The following GPC5 variants were observed in gnomAD, a reference collection of about 807,000 sequenced individuals.
GPC5 encodes the protein glypican 5.
GPC5 carries 47 observed loss-of-function variants against 53.9 expected under a neutral mutation model. The ratio of observed to expected loss-of-function variants is 0.87; its 90% CI spans 0.69 to 1.11. The LOEUF (loss-of-function observed/expected upper bound fraction) is 1.11, where lower values mean the gene tolerates loss of function less well. GPC5 is among the 50% of genes most tolerant of loss of function. GPC5 has a pLI of 0.00. For missense variants in GPC5, 748 were observed against 713.1 expected (o/e 1.05, Z -0.56); for synonymous variants, 286 against 263.3 (o/e 1.09, Z -0.84).
At chr13:91,815,492 C>T (rs1467378007) in intron 5 of GPC5, among the ~76,000 whole-genome samples, 1 of 152,104 alleles carries the variant, frequency 6.6e-6, no homozygotes, top group Non-Finnish European at 1.5e-5. Context: ...GCATTGTATC[C>T]ACACACAAAA....
At chr13:92,376,034 AAAT>A (rs1254086628) in intron 7 of GPC5, among the ~76,000 whole-genome samples, 7 of 152,214 alleles carry the variant, frequency 4.6e-5, no homozygotes, top group African/African-American at 1.7e-4. Context: ...AGTTGATTTA[AAAT>A]AGTAACCAAT....
chr13:92,813,670 A>G lies in GPC5; in HGVS notation c.1562-52612A>G, dbSNP rs997406676. ...AAACTTTTTTCAATGTTATATAAAC[A>G]GTAGTATTCTTTACCAAAAATGTAC... On this transcript the variant is annotated intron_variant, in intron 7 of 7. Transcript: ENST00000377067. 2.0e-5 allele frequency among the ~76,000 whole-genome samples: 3 copies of G among 152,056 alleles called. No individual in the cohort carries two copies. The South Asian group carries it at 6.2e-4, about 31-fold the overall frequency.
intron 2 of GPC5, among the ~76,000 whole-genome samples, chr13:91,663,400 C>T (rs981470212): frequency 3.3e-5 from 5 of 152,014 alleles, no homozygotes; most frequent in Non-Finnish European, 5.9e-5. Context: ...AATATATGTG[C>T]TTATTATTCT....
intron 7 of GPC5, among the ~76,000 whole-genome samples, chr13:92,624,662 G>T (rs926831043): frequency 3.9e-5 from 6 of 152,136 alleles, no homozygotes; most frequent in Admixed American, 3.3e-4. Context: ...GTATGAAGAT[G>T]GTCAGATGGC....
intron 2 of GPC5, among the ~76,000 whole-genome samples, chr13:91,665,611 T>A (rs901492053): frequency 2.0e-5 from 3 of 151,860 alleles, no homozygotes; most frequent in Non-Finnish European, 4.4e-5. Context: ...CATGCCATTC[T>A]CCTGCCTCAG....
At chr13:91,820,605 T>C (rs1306251717) in intron 5 of GPC5, among the ~76,000 whole-genome samples, 2 of 152,216 alleles carry the variant, frequency 1.3e-5, no homozygotes, top group African/African-American at 4.8e-5. Context: ...GCTACTACCA[T>C]AGTTTGCTAA....
In GPC5 at chr13:92,041,728, A is replaced by C. The variant is rs911112892; in HGVS notation, c.1402-103102A>C. ...GCTATGGTGCTAGCAAGAGGCCAGAAAGAAGGTGCCAGCTCCCACAGTGTT... is the reference window on the plus strand; with the variant it reads ...GCTATGGTGCTAGCAAGAGGCCAGACAGAAGGTGCCAGCTCCCACAGTGTT... On this transcript the variant is annotated intron_variant, in intron 6 of 7. Transcript: ENST00000377067. Among the ~76,000 whole-genome samples the C allele has an allele frequency of 3.3e-5, 5 of 152,202 alleles. 1 individual carries two copies. The highest frequency in any genetic ancestry group is 1.2e-4 in the African/African-American group (5 of 41,438).
intron 7 of GPC5, among the ~76,000 whole-genome samples, chr13:92,614,798 C>T (rs1271581232): frequency 1.3e-5 from 2 of 152,114 alleles, no homozygotes; most frequent in African/African-American, 4.8e-5. Flanking sequence ...ATTTCAAATT[C>T]TTTTTCAAAT....
chr13:92,258,735 A>G (rs1212928786), intron 7 of GPC5, among the ~76,000 whole-genome samples: 1 of 152,154 alleles, frequency 6.6e-6, no homozygotes, highest in Non-Finnish European at 1.5e-5. Flanking sequence ...ACATAAATCA[A>G]TTTTGTGACT....
At chr13:91,983,377 G>T (rs1312312494) in intron 6 of GPC5, among the ~76,000 whole-genome samples, 6 of 151,984 alleles carry the variant, frequency 3.9e-5, no homozygotes, top group Admixed American at 3.9e-4. Flanking sequence ...AGGAGGAAAA[G>T]AGAGGCTGAC....
intron 1 of GPC5, among the ~76,000 whole-genome samples, chr13:91,419,898 T>G (rs1878491375): frequency 1.3e-5 from 2 of 152,244 alleles, no homozygotes; most frequent in South Asian, 4.1e-4. Flanking sequence ...GATTTATGAG[T>G]CATGGACCAC....
At chr13:92,812,047 C>T (rs1877318527) in intron 7 of GPC5, among the ~76,000 whole-genome samples, 4 of 151,898 alleles carry the variant, frequency 2.6e-5, no homozygotes, top group Admixed American at 6.6e-5. Flanking sequence ...AATTTTATTC[C>T]TCTTTTTCAA....
chr13:92,680,764 A>G (rs1260093090), intron 7 of GPC5, among the ~76,000 whole-genome samples: 1 of 152,202 alleles, frequency 6.6e-6, no homozygotes, highest in Non-Finnish European at 1.5e-5. Context: ...TGTACATTCC[A>G]TCTTTAAAAG....
At chr13:92,487,364 C>T (rs924374053) in intron 7 of GPC5, among the ~76,000 whole-genome samples, 2 of 152,128 alleles carry the variant, frequency 1.3e-5, no homozygotes, top group African/African-American at 4.8e-5. Flanking sequence ...CTGTCACTGG[C>T]ACTGCCTGAA....
At chr13:92,124,248 GAAAAAAAAAAAA>G in intron 6 of GPC5, among the ~76,000 whole-genome samples, 1 of 54,984 alleles carries the variant, frequency 1.8e-5, no homozygotes, top group Admixed American at 2.3e-4. Context: ...CGGACAGAAT[GAAAAAAAAAAAA>G]AAAAAAAAAA....
chr13:91,853,226 C>G (rs936637566), intron 5 of GPC5, among the ~76,000 whole-genome samples: 2 of 152,004 alleles, frequency 1.3e-5, no homozygotes, highest in African/African-American at 4.8e-5. Flanking sequence ...TATTCAGTCT[C>G]TAACTTTTCA....
chr13:92,449,990 TAGTCTGATTAAAATTAAG>T (rs1363236771), intron 7 of GPC5, among the ~76,000 whole-genome samples: 5 of 152,190 alleles, frequency 3.3e-5, no homozygotes, highest in Non-Finnish European at 7.4e-5. Context: ...ACATTAATCA[TAGTCTGATTAAAATTAAG>T]AATAGAAAGA....
At chr13:92,254,527 T>C (rs2042713686) in intron 7 of GPC5, among the ~76,000 whole-genome samples, 1 of 152,048 alleles carries the variant, frequency 6.6e-6, no homozygotes, top group South Asian at 2.1e-4. Context: ...TATCTGTGAG[T>C]TCTGCATCTG....
intron 2 of GPC5, among the ~76,000 whole-genome samples, chr13:91,669,029 T>TA (rs1348086643): frequency 6.6e-6 from 1 of 151,840 alleles, no homozygotes; most frequent in African/African-American, 2.4e-5. Context: ...AGTGCTTAAA[T>TA]AAAAAAAATA....
Sources: allele counts gnomAD v4.1 joint callset (sites outside exome capture counted in the v4.1 genomes callset), GRCh38; gene constraint gnomAD v4.1.1; transcripts MANE v1.5; gene names NCBI Gene and HGNC (gene_info 2026-07-23, HGNC 2026-07-21).